TMC5: variants seen among roughly 807,000 people sequenced by gnomAD.
The protein encoded by TMC5 is transmembrane channel-like protein 5.
A neutral mutation model predicts 110.5 loss-of-function variants in TMC5; 86 were observed. The ratio of observed to expected loss-of-function variants is 0.78; its 90% CI spans 0.65 to 0.93. The LOEUF is 0.93. Among genes scored for constraint, TMC5 ranks in the 40% least tolerant of loss-of-function variants. The pLI is 0.00. For missense variants in TMC5, 1,144 were observed against 1,222.8 expected, an observed-to-expected ratio of 0.94 and a Z score of 0.96; for synonymous variants, 455 against 439.5, an observed-to-expected ratio of 1.04 and a Z score of -0.44.
intron 6 of TMC5, 56 bp from the exon 7 acceptor site, chr16:19,463,224 T>C: frequency 7.4e-7 from 1 of 1,353,898 alleles, no homozygotes; most frequent in Non-Finnish European, 1.1e-6. Context: ...AACTATTTTT[T>C]GAATGAATGA....
chr16:19,444,115 T>C lies in TMC5; in HGVS notation c.823T>C (p.Phe275Leu). 1 of 1,614,130 alleles carries C rather than the reference T, an allele frequency of 6.2e-7. No individual in the cohort carries two copies. Among genetic ancestry groups the C allele is most frequent in the Non-Finnish European group, 8.5e-7 (1 of 1,180,008 alleles). The change falls in exon 4 of 22, where the codon TTT becomes CTT. Residue 275 changes from phenylalanine (F) to leucine (L), a missense_variant. Transcript: ENST00000542583. ...LSRTSSIQPS[F>L]RHRSDDPVGS... ...CAGAACATCTTCAATCCAGCCCTCA[T>C]TTCGTCACAGGAGTGATGACCCCGT...
chr16:19,490,624 C>T, intron 18 of TMC5, 56 bp downstream of exon 18: 1 of 1,578,416 alleles, frequency 6.3e-7, no homozygotes, highest in Non-Finnish European at 8.7e-7. Context: ...TCGAGGGAAA[C>T]AGCAGTAGGG....
intron 4 of TMC5, 46 bp from the exon 5 acceptor site, chr16:19,449,496 A>C: frequency 6.8e-7 from 1 of 1,478,080 alleles, no homozygotes; most frequent in Non-Finnish European, 9.5e-7. Flanking sequence ...AGGAATGTCT[A>C]GTGTGGTGAG....
rs749604891 is a variant in TMC5, at chr16:19,456,964, C to A, written c.1049-3271C>A. 8 of 1,614,112 alleles carry A rather than the reference C, an allele frequency of 5.0e-6. 1 individual carries two copies. In the South Asian group the frequency reaches 8.8e-5, roughly 18 times the overall value. On this transcript the variant is annotated intron_variant, in intron 5 of 21. Coordinates refer to ENST00000542583, the MANE Select transcript of TMC5 (RefSeq NM_001261841.2). Reference sequence around the variant, plus strand: ...AGTCGATGTCTCAGACCCTTCATAGCCTAGAATGCATGGGCATAGACACTC... The same window carrying A: ...AGTCGATGTCTCAGACCCTTCATAGACTAGAATGCATGGGCATAGACACTC...
upstream of TMC5, chr16:19,417,630 T>C (rs1597152487): frequency 1.3e-5 from 2 of 152,170 alleles, no homozygotes; most frequent in Admixed American, 6.5e-5. Context: ...GATATTTTCA[T>C]TGAGCTGATA....
intron 13 of TMC5, among the ~76,000 whole-genome samples, chr16:19,478,537 T>C (rs1220606657): frequency 6.6e-6 from 1 of 152,140 alleles, no homozygotes; most frequent in Non-Finnish European, 1.5e-5. Context: ...TGTCCATCCA[T>C]GTATCCATCT....
chr16:19,485,050 A>AT (rs753102356), intron 15 of TMC5, among the ~76,000 whole-genome samples: 9 of 148,004 alleles, frequency 6.1e-5, no homozygotes, highest in East Asian at 6.0e-4. Context: ...TAGCCTGCCT[A>AT]TTTTTTGGTA....
intron 5 of TMC5, among the ~76,000 whole-genome samples, chr16:19,450,307 T>C (rs74013781): frequency 0.07 from 10,714 of 152,200 alleles, 763 homozygotes; most frequent in African/African-American, 0.19. Flanking sequence ...GAAATGAAAG[T>C]AGAAGTATTA....
intron 3 of TMC5, among the ~76,000 whole-genome samples, chr16:19,443,026 C>T (rs905631603): frequency 2.0e-5 from 3 of 152,176 alleles, no homozygotes; most frequent in African/African-American, 7.2e-5. Context: ...AAGGATACGT[C>T]GTGTTAATGT....
chr16:19,484,271 A>C (rs1207674318), intron 15 of TMC5, among the ~76,000 whole-genome samples: 2 of 152,146 alleles, frequency 1.3e-5, no homozygotes, highest in Non-Finnish European at 2.9e-5. Context: ...TATTTTTTAG[A>C]GACAGTGAGG....
Position 19,440,926 on chromosome 16 carries a change from A to G in TMC5, c.788+100A>G, listed in dbSNP as rs933601936. 13 of 1,239,708 alleles carry G rather than the reference A, an allele frequency of 1.0e-5. 1 individual carries two copies. The highest frequency in any genetic ancestry group is 6.0e-5 in the African/African-American group (4 of 66,412). The allele number at this position is 1,239,708 out of a possible 1,614,324, so 76.8% of individuals were successfully genotyped here. A position where few individuals can be genotyped will look rare whatever the true frequency, so the allele number is the denominator to read the frequency against. ...GGTGTGGTTTAGATTAGGGATATAT[A>G]TGACGGTTTCTATGACCTGAAGTTG... On this transcript the variant is annotated intron_variant, in intron 3 of 21. Transcript: ENST00000542583.
chr16:19,454,143 G>GCC (rs1967813014), intron 5 of TMC5, among the ~76,000 whole-genome samples: 1 of 152,164 alleles, frequency 6.6e-6, no homozygotes, highest in East Asian at 1.9e-4. Context: ...TACCTCCTGA[G>GCC]TTCAAGCAAT....
intron 1 of TMC5, among the ~76,000 whole-genome samples, chr16:19,419,997 G>A (rs762287539): frequency 1.8e-4 from 28 of 152,130 alleles, no homozygotes; most frequent in Admixed American, 2.0e-4. Flanking sequence ...CATAGGGAAA[G>A]GAATATTTAT....
At chr16:19,432,335 C>A (rs1967211517) in intron 2 of TMC5, among the ~76,000 whole-genome samples, 1 of 152,034 alleles carries the variant, frequency 6.6e-6, no homozygotes, top group African/African-American at 2.4e-5. Flanking sequence ...AGTGAGAAAC[C>A]CTAAATGGGA....
At chr16:19,492,943 A>ATATATATAT (rs61334845) in intron 19 of TMC5, among the ~76,000 whole-genome samples, 1,928 of 91,916 alleles carry the variant, frequency 0.021, 334 homozygotes, top group Non-Finnish European at 0.029. Flanking sequence ...TCTCTCTATA[A>ATATATATAT]GATAAATACT....
At chr16:19,456,724 C>G in intron 5 of TMC5, 1 of 1,609,758 alleles carries the variant, frequency 6.2e-7, no homozygotes, top group East Asian at 2.2e-5. Flanking sequence ...CCGATGACCA[C>G]GTGAATGAAA....
intron 4 of TMC5, among the ~76,000 whole-genome samples, chr16:19,445,808 A>G (rs1410268170): frequency 6.6e-6 from 1 of 151,980 alleles, no homozygotes; most frequent in African/African-American, 2.4e-5. Context: ...CCATGTACTA[A>G]TGAAAACACT....
At chr16:19,437,712 T>A (rs1967379026) in intron 2 of TMC5, among the ~76,000 whole-genome samples, 1 of 152,192 alleles carries the variant, frequency 6.6e-6, no homozygotes, top group Non-Finnish European at 1.5e-5. Flanking sequence ...TTATTTTCCT[T>A]CTCATCCTTT....
Position 19,490,444 on chromosome 16 carries a change from A to G in TMC5, c.2623A>G (p.Ile875Val). 6.2e-7 allele frequency: 1 copy of G among 1,614,088 alleles called. No individual in the cohort carries two copies. Among genetic ancestry groups the G allele is most frequent in the Non-Finnish European group, 8.5e-7 (1 of 1,180,022 alleles). Residue 875 changes from isoleucine (I) to valine (V), a missense_variant, in exon 18 of 22, where the codon ATT becomes GTT. By Grantham distance (29) the Ile-to-Val change is conservative. Transcript: ENST00000542583. ...CGPFRGLPLF[I>V]HSIYSWIDTL... is the part of the protein sequence containing the mutation. ...CCCTTTTCGAGGTCTGCCTCTCTTC[A>G]TTCACTCCATCTACAGCTGGATCGA...
Sources: allele counts gnomAD v4.1 joint callset (sites outside exome capture counted in the v4.1 genomes callset), GRCh38; gene constraint gnomAD v4.1.1; transcripts MANE v1.5; gene names NCBI Gene and HGNC (gene_info 2026-07-23, HGNC 2026-07-21).